ADGRD1: variants seen among roughly 807,000 people sequenced by gnomAD.
ADGRD1 encodes the protein adhesion G protein-coupled receptor D1, also known as G-protein coupled receptor 133.
In ADGRD1, 77 loss-of-function variants were observed where a neutral mutation model predicts 113.4. That is an observed-to-expected ratio of 0.68 (90% CI 0.57 to 0.82). ADGRD1 has a LOEUF of 0.82. ADGRD1 is among the 40% of genes least tolerant of loss of function. The pLI is 0.00. For missense variants in ADGRD1, 1,036 were observed against 1,139.1 expected, an observed-to-expected ratio of 0.91 and a Z score of 1.30; for synonymous variants, 474 against 475.0, an observed-to-expected ratio of 1.00 and a Z score of 0.03.
At chr12:131,130,011 C>T (rs1003059044) in intron 20 of ADGRD1, among the ~76,000 whole-genome samples, 3 of 152,260 alleles carry the variant, frequency 2.0e-5, no homozygotes, top group Admixed American at 1.3e-4. Context: ...ATTAGTCACG[C>T]GTTTGTCACT....
In ADGRD1 at chr12:131,108,865, G is replaced by A. The variant is rs1950290775; in HGVS notation, c.2029G>A (p.Gly677Arg). 2 of 1,610,130 alleles carry A rather than the reference G, an allele frequency of 1.2e-6. No homozygotes were observed. The highest frequency in any genetic ancestry group is 1.7e-6 in the Non-Finnish European group (2 of 1,177,502). The change falls in exon 18 of 25, where the codon GGG becomes AGG. Residue 677 changes from glycine to arginine, a missense_variant. Gly to Arg is a moderately radical substitution (Grantham distance 125, BLOSUM62 -2). Coordinates refer to ENST00000261654, the MANE Select transcript of ADGRD1 (RefSeq NM_198827.5). ...GGACAGCAAGCACCGTTACTACTAT[G>A]GGATGGGATGGGGTAGGTGGGGCAG... The part of the protein sequence containing the change: ...SEDSKHRYYY[G>R]MGWGFPLLIC...
intron 8 of ADGRD1, among the ~76,000 whole-genome samples, chr12:130,996,140 A>G (rs1875291203): frequency 6.6e-6 from 1 of 152,046 alleles, no homozygotes; most frequent in South Asian, 2.1e-4. Flanking sequence ...AATTTTTCTT[A>G]GTACAGAACA....
At chr12:131,087,464 G>T (rs1407180564) in intron 15 of ADGRD1, among the ~76,000 whole-genome samples, 4 of 152,206 alleles carry the variant, frequency 2.6e-5, no homozygotes, top group Non-Finnish European at 5.9e-5. Flanking sequence ...CCCCAAGAAG[G>T]GCCGGCCACG....
intron 11 of ADGRD1, 69 bp from the exon 12 acceptor site, chr12:131,005,903 G>C: frequency 3.3e-6 from 4 of 1,210,736 alleles, no homozygotes; most frequent in Admixed American, 1.7e-5. Context: ...GGCGGGGCGT[G>C]GGGCTTTGTG....
At chr12:131,073,426 T>C (rs891873211) in intron 13 of ADGRD1, among the ~76,000 whole-genome samples, 1 of 152,204 alleles carries the variant, frequency 6.6e-6, no homozygotes, top group East Asian at 1.9e-4. Flanking sequence ...CCCCAGATGT[T>C]CCACTGAGAT....
chr12:130,959,173 A>G (rs1424723853), intron 2 of ADGRD1, among the ~76,000 whole-genome samples: 1 of 152,258 alleles, frequency 6.6e-6, no homozygotes, highest in Non-Finnish European at 1.5e-5. Context: ...CACCACGGCC[A>G]CACCAAACTG....
At chr12:131,031,084 A>G (rs1417350145) in intron 13 of ADGRD1, among the ~76,000 whole-genome samples, 1 of 151,910 alleles carries the variant, frequency 6.6e-6, no homozygotes, top group African/African-American at 2.4e-5. Context: ...CCTCATCCCA[A>G]CTCACCACAC....
chr12:131,137,941 C>G (rs901963314), intron 23 of ADGRD1, 196 bp from the exon 24 acceptor site: 1 of 581,824 alleles, frequency 1.7e-6, no homozygotes, highest in Non-Finnish European at 3.1e-6. Flanking sequence ...GCTTCCCTGG[C>G]CTGCGATACA....
Position 131,010,940 on chromosome 12 carries a change from C to T in ADGRD1, c.1332-3259C>T, listed in dbSNP as rs757192100. ...AGAATCCTGGCCCCACTATCTGCTC[C>T]GATGCCCTCTGACCTTCTGGGGCTT... On this transcript the variant is annotated intron_variant, in intron 12 of 24. Coordinates refer to ENST00000261654, the MANE Select transcript of ADGRD1 (RefSeq NM_198827.5). 7.2e-5 allele frequency among the ~76,000 whole-genome samples: 11 copies of T among 152,262 alleles called. No homozygotes were observed. The South Asian group carries it at 1.2e-3, about 17-fold the overall frequency.
chr12:131,077,004 G>A lies in ADGRD1; in HGVS notation c.1547+130G>A, dbSNP rs987747602. The A allele has an allele frequency of 1.5e-5, 12 of 795,162 alleles. No homozygotes were observed. In the African/African-American group the frequency reaches 1.7e-4, roughly 11 times the overall value. 49.3% of individuals were successfully genotyped at this position (795,162 alleles called of 1,614,324 possible). A position where few individuals can be genotyped will look rare whatever the true frequency, so the allele number is the denominator to read the frequency against. The stretch of plus-strand genomic sequence containing the variant: ...CATGGTTGCGTTATGCGAAAATGCT[G>A]GAAATGCTGGAGATGTGGGCAGGGC... On this transcript the variant is annotated intron_variant, in intron 14 of 24. Transcript: ENST00000261654.
At chr12:131,004,556 C>G (rs1185923747) in intron 11 of ADGRD1, among the ~76,000 whole-genome samples, 3 of 151,372 alleles carry the variant, frequency 2.0e-5, no homozygotes, top group Non-Finnish European at 4.4e-5. Context: ...CCACTCCAGG[C>G]CACTGAACTG....
chr12:131,016,597 T>C (rs1358823043), intron 13 of ADGRD1, among the ~76,000 whole-genome samples: 1 of 152,230 alleles, frequency 6.6e-6, no homozygotes, highest in Non-Finnish European at 1.5e-5. Context: ...GTCAAGCCTG[T>C]AGTCAAGAGT....
rs7960903 is a variant in ADGRD1 at position 131,123,770 on chromosome 12, C to T, written c.2175+2857C>T. Among the ~76,000 whole-genome samples, 1,297 of 150,502 alleles carry T rather than the reference C, an allele frequency of 8.6e-3. 24 individuals carry two copies. Among genetic ancestry groups the T allele is most frequent in the African/African-American group, 0.03 (1,248 of 40,954 alleles). On this transcript the variant is annotated intron_variant, in intron 20 of 24. Transcript: ENST00000261654. The stretch of plus-strand genomic sequence containing the variant: ...CCGGGAGGCGGGTCTTGCAGTGAGC[C>T]GAGATTGCGCCACTGCACTCCATCC...
At chr12:130,968,845 A>C in intron 3 of ADGRD1, 1 of 623,188 alleles carries the variant, frequency 1.6e-6, no homozygotes, top group Non-Finnish European at 2.8e-6. Context: ...TGAGGTCCGA[A>C]GAGAAAGTCC....
At chr12:131,119,351 A>C (rs1209618) in intron 19 of ADGRD1, among the ~76,000 whole-genome samples, 5 of 151,988 alleles carry the variant, frequency 3.3e-5, no homozygotes, top group Non-Finnish European at 5.9e-5. Flanking sequence ...ACAGTGAAAC[A>C]AGCATGGTTA....
At chr12:131,024,771 A>G (rs1879754210) in intron 13 of ADGRD1, 1 of 152,256 alleles carries the variant, frequency 6.6e-6, no homozygotes, top group Non-Finnish European at 1.5e-5. Flanking sequence ...GTGATGCAAG[A>G]CTGTACTCCT....
intron 6 of ADGRD1, chr12:130,990,789 G>C: frequency 2.2e-6 from 1 of 460,024 alleles, no homozygotes. Flanking sequence ...AAAAGCGATT[G>C]AGAATACAAA....
At chr12:131,092,320 T>C (rs562681920) in intron 15 of ADGRD1, among the ~76,000 whole-genome samples, 11 of 152,238 alleles carry the variant, frequency 7.2e-5, no homozygotes, top group Non-Finnish European at 1.5e-4. Flanking sequence ...TGGAAGGCAT[T>C]TGGGCCTGGC....
At position 131,084,655 on chromosome 12, in the gene ADGRD1, C is replaced by T. The variant is rs1372890819; in HGVS notation, c.1663C>T (p.Pro555Ser). The part of the protein sequence containing the change: ...TNFAILMQVV[P>S]LELARGHQVA... Reference sequence around the variant, plus strand: ...CTTTGCCATCCTCATGCAGGTGGTCCCGCTGGAGGTAAGAGCCAGGCCTCA... The same window carrying T: ...CTTTGCCATCCTCATGCAGGTGGTCTCGCTGGAGGTAAGAGCCAGGCCTCA... Residue 555 changes from proline to serine, a missense_variant, in exon 15 of 25, where the codon CCG (proline) becomes TCG (serine). By Grantham distance (74) the Pro-to-Ser change is moderately conservative. Coordinates refer to ENST00000261654, the MANE Select transcript of ADGRD1 (RefSeq NM_198827.5). This position sits in a 1 kb window ranked among gnomAD's most constrained non-coding sequence, Gnocchi z 4.5. The T allele has an allele frequency of 1.2e-6, 2 of 1,613,812 alleles. No individual in the cohort carries two copies. The highest frequency in any genetic ancestry group is 3.3e-5 in the Admixed American group (2 of 60,002).
Sources: allele counts gnomAD v4.1 joint callset (sites outside exome capture counted in the v4.1 genomes callset), GRCh38; gene constraint gnomAD v4.1.1; non-coding constraint Gnocchi (gnomAD v3.1); transcripts MANE v1.5; gene names NCBI Gene and HGNC (gene_info 2026-07-23, HGNC 2026-07-21).